ANKS1B: variants seen among roughly 807,000 people sequenced by gnomAD.
ANKS1B encodes the protein ankyrin repeat and sterile alpha motif domain containing 1B.
A neutral mutation model predicts 148.3 loss-of-function variants in ANKS1B; 36 were observed. The observed-to-expected ratio is 0.24, with a 90% confidence interval of 0.19 to 0.32. The LOEUF (loss-of-function observed/expected upper bound fraction) is 0.32. Among genes scored for constraint, ANKS1B ranks in the 10% least tolerant of loss-of-function variants. ANKS1B has a pLI of 1.00. For missense variants in ANKS1B, 1,157 were observed against 1,542.6 expected (o/e 0.75, Z 4.19); for synonymous variants, 542 against 560.8 (o/e 0.97, Z 0.47).
chr12:99,695,062 A>C (rs2153509851), intron 8 of ANKS1B, among the ~76,000 whole-genome samples: 1 of 149,026 alleles, frequency 6.7e-6, no homozygotes, highest in East Asian at 1.9e-4. Context: ...TGTTACTAGG[A>C]ATATCTCAAA....
intron 19 of ANKS1B, among the ~76,000 whole-genome samples, chr12:98,812,371 G>A (rs1182445780): frequency 6.6e-6 from 1 of 152,136 alleles, no homozygotes; most frequent in East Asian, 1.9e-4. Context: ...ATCATATACA[G>A]CCCAGCTGTG....
intron 17 of ANKS1B, among the ~76,000 whole-genome samples, chr12:98,881,270 T>C (rs1423161365): frequency 6.6e-6 from 1 of 152,206 alleles, no homozygotes; most frequent in African/African-American, 2.4e-5. Context: ...TTGCCTGTGG[T>C]TTACTCAAGA....
At chr12:99,827,578 G>A (rs958266048) in intron 1 of ANKS1B, among the ~76,000 whole-genome samples, 3 of 152,170 alleles carry the variant, frequency 2.0e-5, no homozygotes, top group African/African-American at 4.8e-5. Context: ...TCTGTGAGAG[G>A]TGGTCATTTG....
intron 17 of ANKS1B, among the ~76,000 whole-genome samples, chr12:98,869,506 T>C (rs2152349675): frequency 6.6e-6 from 1 of 152,292 alleles, no homozygotes; most frequent in Admixed American, 6.5e-5. Flanking sequence ...AGGCCTGTCA[T>C]TCAGCACTTA....
At chr12:98,931,557 A>G (rs932604053) in intron 17 of ANKS1B, 1 of 152,222 alleles carries the variant, frequency 6.6e-6, no homozygotes, top group African/African-American at 2.4e-5. Context: ...TATTTAAACC[A>G]GAGACAGAAC....
intron 24 of ANKS1B, among the ~76,000 whole-genome samples, chr12:98,780,619 T>A (rs2098725160): frequency 6.6e-6 from 1 of 152,146 alleles, no homozygotes; most frequent in African/African-American, 2.4e-5. Context: ...GGGAATTAAA[T>A]GTAGTTATAA....
At chr12:99,012,113 T>G (rs2099939795) in intron 17 of ANKS1B, among the ~76,000 whole-genome samples, 1 of 152,214 alleles carries the variant, frequency 6.6e-6, no homozygotes, top group Admixed American at 6.5e-5. Flanking sequence ...GTTTCCCTAG[T>G]GTTTTTCATA....
At chr12:98,784,892 G>A (rs2098775942) in intron 22 of ANKS1B, among the ~76,000 whole-genome samples, 1 of 152,320 alleles carries the variant, frequency 6.6e-6, no homozygotes, top group South Asian at 2.1e-4. Context: ...CTCTATGAAT[G>A]GCAGTGTTGG....
At chr12:99,688,866 G>A (rs1224230462) in intron 8 of ANKS1B, among the ~76,000 whole-genome samples, 2 of 147,758 alleles carry the variant, frequency 1.4e-5, no homozygotes, top group African/African-American at 5.0e-5. Context: ...AATTACATGA[G>A]CAAGTGCTAA....
intron 1 of ANKS1B, among the ~76,000 whole-genome samples, chr12:99,917,755 G>A (rs1172813701): frequency 6.6e-6 from 1 of 152,188 alleles, no homozygotes; most frequent in Non-Finnish European, 1.5e-5. Context: ...CAAGCTGATG[G>A]CCAAAAGGCT....
chr12:99,723,477 C>A lies in ANKS1B; in HGVS notation c.1128+49445G>T, dbSNP rs182403595. On this transcript the variant is annotated intron_variant, in intron 8 of 26. Coordinates refer to ENST00000683438, the MANE Select transcript of ANKS1B (RefSeq NM_001352186.2). ...CTCCAACTCCAGGCAGGGGCTCAGG[C>A]ACAAAGCTCTGATCTCCCTGGCCGG... 1.3e-4 allele frequency among the ~76,000 whole-genome samples: 20 copies of A among 152,232 alleles called. No individual in the cohort carries two copies. In the East Asian group the frequency reaches 2.5e-3, roughly 19 times the overall value.
intron 17 of ANKS1B, among the ~76,000 whole-genome samples, chr12:98,987,689 G>T (rs1472163087): frequency 6.6e-6 from 1 of 151,142 alleles, no homozygotes; most frequent in African/African-American, 2.4e-5. Context: ...TTTGGGACCG[G>T]TCACAGAACT....
At chr12:99,360,285 A>G (rs2092364614) in intron 12 of ANKS1B, among the ~76,000 whole-genome samples, 2 of 152,258 alleles carry the variant, frequency 1.3e-5, no homozygotes, top group Non-Finnish European at 2.9e-5. Context: ...GAAATGAATT[A>G]ATAGGATTAC....
At chr12:98,907,005 C>G (rs2099780052) in intron 17 of ANKS1B, among the ~76,000 whole-genome samples, 1 of 145,644 alleles carries the variant, frequency 6.9e-6, no homozygotes, top group African/African-American at 2.5e-5. Context: ...CATAGTTACT[C>G]TGTGTGTGTG....
chr12:98,884,459 A>C (rs758317529), intron 17 of ANKS1B, among the ~76,000 whole-genome samples: 1 of 152,186 alleles, frequency 6.6e-6, no homozygotes, highest in Non-Finnish European at 1.5e-5. Context: ...CTGTATTTAC[A>C]TTCTCTCTCC....
At chr12:99,585,441 T>C (rs1393509031) in intron 9 of ANKS1B, among the ~76,000 whole-genome samples, 1 of 152,124 alleles carries the variant, frequency 6.6e-6, no homozygotes, top group Non-Finnish European at 1.5e-5. Context: ...GCATTGAGTA[T>C]CTGTGACTTT....
chr12:99,592,830 A>C (rs919715416), intron 9 of ANKS1B, among the ~76,000 whole-genome samples: 1 of 152,110 alleles, frequency 6.6e-6, no homozygotes, highest in Non-Finnish European at 1.5e-5. Context: ...GAGACAAAAA[A>C]CACATCAGTC....
At chr12:99,735,487 T>C (rs1460948984) in intron 8 of ANKS1B, among the ~76,000 whole-genome samples, 3 of 151,994 alleles carry the variant, frequency 2.0e-5, no homozygotes. Flanking sequence ...TTAACAGCTA[T>C]ACATAAACAA....
At chr12:99,480,485 G>A (rs564567389) in intron 10 of ANKS1B, among the ~76,000 whole-genome samples, 3 of 151,916 alleles carry the variant, frequency 2.0e-5, no homozygotes, top group Admixed American at 2.0e-4. Context: ...TTCACATTTA[G>A]TAGAAATTAT....
Sources: gnomAD v4.1 joint callset for allele counts (sites outside exome capture counted in the v4.1 genomes callset) on GRCh38, gnomAD v4.1.1 for gene constraint, MANE v1.5 for transcripts, NCBI Gene and HGNC (gene_info 2026-07-23, HGNC 2026-07-21) for gene names.